Variants in PTPRD observed in about 807,000 individuals in gnomAD.
The protein encoded by PTPRD is receptor-type tyrosine-protein phosphatase delta.
In PTPRD, 34 loss-of-function variants were observed where a neutral mutation model predicts 214.5. The observed-to-expected ratio is 0.16, with a 90% CI of 0.12 to 0.21. The LOEUF is 0.21. PTPRD is among the 10% of genes least tolerant of loss of function. The pLI is 1.00. For missense variants in PTPRD, 2,545 were observed against 2,398.7 expected (o/e 1.06, Z -1.27); for synonymous variants, 1,128 against 845.7 (o/e 1.33, Z -5.79).
chr9:10,143,833 T>A (rs1285011393), intron 3 of PTPRD, among the ~76,000 whole-genome samples: 1 of 152,014 alleles, frequency 6.6e-6, no homozygotes, highest in Non-Finnish European at 1.5e-5. Flanking sequence ...TTTTCTCACT[T>A]GTAGGTGGGA....
At chr9:9,351,688 A>C (rs1307064252) in intron 9 of PTPRD, among the ~76,000 whole-genome samples, 1 of 152,024 alleles carries the variant, frequency 6.6e-6, no homozygotes, top group Non-Finnish European at 1.5e-5. Context: ...CTTTTCAGTT[A>C]AAAAGGATTT....
chr9:8,835,289 T>C (rs1455793225), intron 11 of PTPRD, among the ~76,000 whole-genome samples: 4 of 152,200 alleles, frequency 2.6e-5, no homozygotes, highest in Admixed American at 6.5e-5. Context: ...GAGAATGGGA[T>C]ATGTCTAGAA....
At chr9:9,810,060 T>C (rs1256988809) in intron 5 of PTPRD, among the ~76,000 whole-genome samples, 1 of 140,354 alleles carries the variant, frequency 7.1e-6, no homozygotes, top group Non-Finnish European at 1.5e-5. Context: ...CTCCCCTTCC[T>C]CCTGCACCTC....
intron 10 of PTPRD, among the ~76,000 whole-genome samples, chr9:9,043,166 T>G (rs2099648084): frequency 6.6e-6 from 1 of 152,162 alleles, no homozygotes; most frequent in Non-Finnish European, 1.5e-5. Context: ...ATACATAAAT[T>G]TTACATACTT....
chr9:10,578,670 T>C (rs1224545651), intron 2 of PTPRD, among the ~76,000 whole-genome samples: 1 of 152,158 alleles, frequency 6.6e-6, no homozygotes, highest in Non-Finnish European at 1.5e-5. Flanking sequence ...CCCAAAAGTA[T>C]TGTGTGAATC....
chr9:9,215,102 T>C (rs1349847212), intron 9 of PTPRD, among the ~76,000 whole-genome samples: 1 of 152,168 alleles, frequency 6.6e-6, no homozygotes, highest in African/African-American at 2.4e-5. Context: ...GATGATTCAT[T>C]TGTGTGTTAA....
intron 3 of PTPRD, among the ~76,000 whole-genome samples, chr9:10,064,682 A>T (rs571908665): frequency 2.0e-5 from 3 of 151,950 alleles, no homozygotes; most frequent in Admixed American, 6.6e-5. Flanking sequence ...AACCCACAAA[A>T]ACCATATGAC....
At chr9:9,818,580 T>C (rs2049561074) in intron 5 of PTPRD, among the ~76,000 whole-genome samples, 1 of 152,080 alleles carries the variant, frequency 6.6e-6, no homozygotes, top group African/African-American at 2.4e-5. Flanking sequence ...TACATTGTGA[T>C]TGTGATTGCC....
chr9:8,674,707 G>T (rs143921313), intron 12 of PTPRD, among the ~76,000 whole-genome samples: 1 of 152,160 alleles, frequency 6.6e-6, no homozygotes, highest in East Asian at 1.9e-4. Flanking sequence ...CATATAAAAT[G>T]TTTGGCTCCC....
At chr9:8,973,528 G>C (rs1172311619) in intron 11 of PTPRD, among the ~76,000 whole-genome samples, 1 of 151,982 alleles carries the variant, frequency 6.6e-6, no homozygotes, top group East Asian at 1.9e-4. Flanking sequence ...ATGAACATAT[G>C]AGTGCATGTG....
chr9:10,255,165 G>T (rs2093147947), intron 3 of PTPRD, among the ~76,000 whole-genome samples: 2 of 152,160 alleles, frequency 1.3e-5, no homozygotes. Context: ...TTCACATGAG[G>T]TGATTTAAAA....
chr9:8,902,753 G>C (rs892869450), intron 11 of PTPRD, among the ~76,000 whole-genome samples: 1 of 152,076 alleles, frequency 6.6e-6, no homozygotes, highest in Non-Finnish European at 1.5e-5. Context: ...ATAAGCCTTG[G>C]CAAATCTGTC....
At chr9:9,319,983 C>A (rs1595725154) in intron 9 of PTPRD, among the ~76,000 whole-genome samples, 1 of 151,880 alleles carries the variant, frequency 6.6e-6, no homozygotes, top group African/African-American at 2.4e-5. Flanking sequence ...ATCATTGATT[C>A]CAAAAAGGAA....
chr9:9,513,554 T>G (rs1185079087), intron 8 of PTPRD, among the ~76,000 whole-genome samples: 1 of 151,348 alleles, frequency 6.6e-6, no homozygotes, highest in Admixed American at 6.6e-5. Context: ...TTCATCTCCA[T>G]GTACTCAGTA....
At chr9:9,863,590 C>T (rs778657127) in intron 5 of PTPRD, among the ~76,000 whole-genome samples, 16 of 152,258 alleles carry the variant, frequency 1.1e-4, no homozygotes, top group Admixed American at 2.6e-4. Context: ...GTAATGGCTT[C>T]AGAGGAGGCA....
intron 8 of PTPRD, among the ~76,000 whole-genome samples, chr9:9,561,584 CCTCT>C (rs1392697069): frequency 1.3e-5 from 2 of 152,038 alleles, no homozygotes; most frequent in African/African-American, 2.4e-5. Context: ...AAAAGAATAG[CCTCT>C]CTCTATTTTC....
intron 14 of PTPRD, among the ~76,000 whole-genome samples, chr9:8,559,401 T>C (rs1461143182): frequency 6.6e-6 from 1 of 152,182 alleles, no homozygotes; most frequent in Non-Finnish European, 1.5e-5. Context: ...AATTCAAATG[T>C]TCATATTGTA....
chr9:8,734,690 C>T (rs1229983650), intron 11 of PTPRD, among the ~76,000 whole-genome samples: 2 of 152,172 alleles, frequency 1.3e-5, no homozygotes, highest in African/African-American at 4.8e-5. Context: ...AGTGACAGCA[C>T]AAGGTGTCTC....
intron 9 of PTPRD, among the ~76,000 whole-genome samples, chr9:9,284,433 G>C (rs1156494615): frequency 2.6e-5 from 4 of 151,592 alleles, no homozygotes; most frequent in Admixed American, 1.3e-4. Flanking sequence ...TTGTTTTATA[G>C]TCAGATGTCT....
Sources: gnomAD v4.1 joint callset for allele counts (sites outside exome capture counted in the v4.1 genomes callset) on GRCh38, gnomAD v4.1.1 for gene constraint, MANE v1.5 for transcripts, NCBI Gene and HGNC (gene_info 2026-07-23, HGNC 2026-07-21) for gene names.